Variants in PCDHA2 observed in about 807,000 individuals in gnomAD.
PCDHA2 encodes protocadherin alpha-2.
PCDHA2 carries 58 observed loss-of-function variants against 66.0 expected under a neutral mutation model. The observed-to-expected ratio is 0.88, with a 90% CI of 0.71 to 1.09. The LOEUF (loss-of-function observed/expected upper bound fraction) is 1.09, where lower values mean the gene tolerates loss of function less well. Ranked by LOEUF, PCDHA2 falls within the 50% of genes least tolerant of loss-of-function variation. PCDHA2 has a pLI of 0.00. For synonymous variants in PCDHA2, 634 were observed against 554.0 expected (o/e 1.14, Z -2.03); for missense variants, 1,267 against 1,242.3 (o/e 1.02, Z -0.30).
In PCDHA2 at chr5:140,834,181, A is replaced by G. The variant is rs999943997; in HGVS notation, c.2388+36829A>G. 5 of 566,952 alleles carry G rather than the reference A, an allele frequency of 8.8e-6. No homozygotes were observed. In the South Asian group the frequency reaches 1.3e-4, roughly 15 times the overall value. The allele number at this position is 566,952 out of a possible 1,614,324, so 35.1% of individuals were successfully genotyped here. A position where few individuals can be genotyped will look rare whatever the true frequency, so the allele number is the denominator to read the frequency against. On this transcript the variant is annotated intron_variant, in intron 1 of 3. Transcript: ENST00000526136. The stretch of plus-strand genomic sequence containing the variant: ...TAATTCTTACTTACATGATGGCCAC[A>G]TGATGTCGCTCTTTACCGCAAATTC...
rs528939441 is a variant in PCDHA2 at position 140,858,900 on chromosome 5, G to C, written c.2388+61548G>C. ...CCTCCATGTGTAGAATATGTGTAGCGTACCACAGCTTATACTGCCATAGTA... is the reference window on the plus strand; with the variant it reads ...CCTCCATGTGTAGAATATGTGTAGCCTACCACAGCTTATACTGCCATAGTA... On this transcript the variant is annotated intron_variant, in intron 1 of 3. Transcript: ENST00000526136. 2 of 203,044 alleles carry C rather than the reference G, an allele frequency of 9.9e-6. 1 individual carries two copies. Among genetic ancestry groups the C allele is most frequent in the African/African-American group, 4.8e-5 (2 of 41,680 alleles). 12.6% of individuals were successfully genotyped at this position (203,044 alleles called of 1,614,324 possible). A position where few individuals can be genotyped will look rare whatever the true frequency, so the allele number is the denominator to read the frequency against.
intron 1 of PCDHA2, among the ~76,000 whole-genome samples, chr5:140,844,717 G>A (rs1779511876): frequency 6.7e-6 from 1 of 149,352 alleles, no homozygotes. Context: ...TGGCCCATTA[G>A]TTCGTGTAAA....
In PCDHA2 at chr5:141,009,805, A is replaced by G. The variant is rs1358613672; in HGVS notation, c.2715A>G (p.Gln905=). The change falls in exon 4 of 4, where the codon CAA becomes CAG. Residue 905 remains glutamine, a synonymous_variant. Transcript: ENST00000526136. ...ISIRQEPTNS[Q]IDKSDFITFG... ...TCCGGCAGGAGCCTACTAACAGCCAAATTGACAAAAGTGACTTCATAACCT... is the reference window on the plus strand; with the variant it reads ...TCCGGCAGGAGCCTACTAACAGCCAGATTGACAAAAGTGACTTCATAACCT... The G allele has an allele frequency of 3.1e-6, 5 of 1,613,974 alleles. No homozygotes were observed. Among genetic ancestry groups the G allele is most frequent in the African/African-American group, 1.3e-5 (1 of 74,898 alleles).
chr5:140,972,957 C>T (rs369707081), intron 1 of PCDHA2, among the ~76,000 whole-genome samples: 1 of 152,054 alleles, frequency 6.6e-6, no homozygotes, highest in East Asian at 1.9e-4. Context: ...CCACCATGCC[C>T]GGCAAAGGAA....
chr5:140,801,282 G>C (rs782159759), intron 1 of PCDHA2: 2 of 1,613,382 alleles, frequency 1.2e-6, no homozygotes, highest in African/African-American at 1.3e-5. Context: ...GGTGGGGAGC[G>C]GCCAGCTCCA....
intron 3 of PCDHA2, among the ~76,000 whole-genome samples, chr5:140,984,822 AC>A (rs1398539032): frequency 6.6e-6 from 1 of 152,126 alleles, no homozygotes; most frequent in Non-Finnish European, 1.5e-5. Flanking sequence ...TTTCTTAATT[AC>A]CCTTTCTGTA....
intron 3 of PCDHA2, 56 bp downstream of exon 3, chr5:140,982,619 C>G (rs561557496): frequency 7.5e-6 from 12 of 1,589,654 alleles, no homozygotes; most frequent in Middle Eastern, 3.4e-4. Context: ...GATCAGATGA[C>G]CTACTTTTGT....
chr5:140,918,111 C>T (rs1035723043), intron 1 of PCDHA2, among the ~76,000 whole-genome samples: 1 of 152,016 alleles, frequency 6.6e-6, no homozygotes, highest in Non-Finnish European at 1.5e-5. Flanking sequence ...CTTTCACATC[C>T]TTGATTAGCC....
At chr5:140,894,503 T>C (rs934592222) in intron 1 of PCDHA2, among the ~76,000 whole-genome samples, 1 of 152,016 alleles carries the variant, frequency 6.6e-6, no homozygotes. Context: ...TTAGGCATTA[T>C]CCATAGTGTT....
At chr5:140,880,731 GAA>G (rs2058452770) in intron 1 of PCDHA2, among the ~76,000 whole-genome samples, 1 of 152,216 alleles carries the variant, frequency 6.6e-6, no homozygotes, top group Non-Finnish European at 1.5e-5. Flanking sequence ...GAAGCATAGA[GAA>G]AATGGATTGT....
chr5:140,931,304 G>A (rs1218460625), intron 1 of PCDHA2, among the ~76,000 whole-genome samples: 13 of 152,056 alleles, frequency 8.5e-5, no homozygotes, highest in Non-Finnish European at 1.9e-4. Context: ...CAAAAAGAGA[G>A]GAGAATACCA....
intron 1 of PCDHA2, among the ~76,000 whole-genome samples, chr5:140,817,811 A>G (rs2150099228): frequency 6.6e-6 from 1 of 152,152 alleles, no homozygotes; most frequent in African/African-American, 2.4e-5. Flanking sequence ...TTACGTTTTT[A>G]TATATCTGGA....
At chr5:140,892,120 A>G (rs1242162429) in intron 1 of PCDHA2, among the ~76,000 whole-genome samples, 1 of 152,216 alleles carries the variant, frequency 6.6e-6, no homozygotes, top group Non-Finnish European at 1.5e-5. Context: ...TATATCTGGA[A>G]CACAATAAGC....
At chr5:140,807,477 G>C (rs111900306) in intron 1 of PCDHA2, 17 of 1,613,078 alleles carry the variant, frequency 1.1e-5, no homozygotes, top group Non-Finnish European at 1.4e-5. Flanking sequence ...GAGCTGTGCC[G>C]GCGGAGCGCG....
Position 140,870,925 on chromosome 5 carries a change from T to C in PCDHA2, c.2388+73573T>C, listed in dbSNP as rs1554164841. 8 of 1,613,916 alleles carry C rather than the reference T, an allele frequency of 5.0e-6. No homozygotes were observed. In the Admixed American group the frequency reaches 8.3e-5, roughly 17 times the overall value. On this transcript the variant is annotated intron_variant, in intron 1 of 3. Transcript: ENST00000526136. Reference sequence around the variant, plus strand: ...CTCAGGCTACAACGCGTGGCTTTCATATGAATTGCAGCCGGCGGCGGGCGG... The same window carrying C: ...CTCAGGCTACAACGCGTGGCTTTCACATGAATTGCAGCCGGCGGCGGGCGG...
intron 1 of PCDHA2, among the ~76,000 whole-genome samples, chr5:140,937,096 G>T (rs1173485186): frequency 4.1e-5 from 6 of 146,810 alleles, no homozygotes; most frequent in African/African-American, 1.5e-4. Context: ...GGAGTGCAGT[G>T]GCGCAGTCTC....
At chr5:140,871,303 G>A (rs1562661921) in intron 1 of PCDHA2, 1 of 1,613,854 alleles carries the variant, frequency 6.2e-7, no homozygotes, top group Non-Finnish European at 8.5e-7. Flanking sequence ...GTGCGCGCCG[G>A]GGAAGCCCAC....
In PCDHA2 at chr5:140,877,310, C is replaced by T. The variant is rs371801888; in HGVS notation, c.2388+79958C>T. ...GCTTGGCTGTCCTACGAGTTGCAACCGGCGGCGGTCGGCGCGCACATCCCG... is the reference window on the plus strand; with the variant it reads ...GCTTGGCTGTCCTACGAGTTGCAACTGGCGGCGGTCGGCGCGCACATCCCG... On this transcript the variant is annotated intron_variant, in intron 1 of 3. Transcript: ENST00000526136. 16 of 1,613,820 alleles carry T rather than the reference C, an allele frequency of 9.9e-6. No homozygotes were observed. In the African/African-American group the frequency reaches 1.9e-4, roughly 19 times the overall value.
chr5:140,979,088 A>G, intron 2 of PCDHA2, 81 bp downstream of exon 2: 1 of 1,559,594 alleles, frequency 6.4e-7, no homozygotes, highest in Non-Finnish European at 8.7e-7. Flanking sequence ...ATAGGCCAGA[A>G]GCAGCTGTCA....
Sources: allele counts gnomAD v4.1 joint callset (sites outside exome capture counted in the v4.1 genomes callset), GRCh38; gene constraint gnomAD v4.1.1; transcripts MANE v1.5; gene names NCBI Gene and HGNC (gene_info 2026-07-23, HGNC 2026-07-21).